Variants in HEPACAM2 observed in about 807,000 individuals in gnomAD.
HEPACAM2 encodes mitotic kinetics regulator.
HEPACAM2 carries 49 observed loss-of-function variants against 49.6 expected under a neutral mutation model. That is an observed-to-expected ratio of 0.99 (90% CI 0.78 to 1.25). The LOEUF (loss-of-function observed/expected upper bound fraction) is 1.25, where lower values mean the gene tolerates loss of function less well. HEPACAM2 is among the 50% of genes most tolerant of loss of function. HEPACAM2 has a pLI of 0.00. For missense variants in HEPACAM2, 525 were observed against 557.2 expected, an observed-to-expected ratio of 0.94 and a Z score of 0.58; for synonymous variants, 197 against 202.9, an observed-to-expected ratio of 0.97 and a Z score of 0.25.
chr7:93,224,415 A>G (rs553736716), intron 1 of HEPACAM2, among the ~76,000 whole-genome samples: 19 of 152,278 alleles, frequency 1.2e-4, no homozygotes, highest in South Asian at 1.2e-3. Context: ...ATAACAAACA[A>G]AAACTCTTAT....
intron 4 of HEPACAM2, among the ~76,000 whole-genome samples, chr7:93,208,356 T>C (rs1332595606): frequency 2.0e-5 from 3 of 152,080 alleles, no homozygotes; most frequent in African/African-American, 7.2e-5. Flanking sequence ...TTTTTCTTCA[T>C]AGCCCTTCAC....
At chr7:93,221,306 G>A (rs1316104406) in intron 1 of HEPACAM2, among the ~76,000 whole-genome samples, 1 of 151,976 alleles carries the variant, frequency 6.6e-6, no homozygotes, top group Non-Finnish European at 1.5e-5. Context: ...CTCTTTGATC[G>A]CTTCCACTTT....
Position 93,215,461 on chromosome 7 carries a change from A to G in HEPACAM2, c.655T>C (p.Cys219Arg). 6.2e-7 allele frequency: 1 copy of G among 1,613,890 alleles called. No individual in the cohort carries two copies. The highest frequency in any genetic ancestry group is 8.5e-7 in the Non-Finnish European group (1 of 1,179,844). Residue 219 changes from cysteine to arginine, a missense_variant, in exon 3 of 10, where the codon TGC becomes CGC. Coordinates refer to ENST00000394468, the MANE Select transcript of HEPACAM2 (RefSeq NM_001039372.4). The stretch of plus-strand genomic sequence containing the variant: ...TCACTGACAGGGTTCCTCACCAGGC[A>G]GCTGTAATTCCCAATGTCTTCCTTG... ...VTKEDIGNYSCLVRNPVSEME... is the reference protein window; with the variant it reads ...VTKEDIGNYSRLVRNPVSEME...
intron 1 of HEPACAM2, chr7:93,226,001 T>C (rs1438273586): frequency 2.4e-6 from 2 of 849,544 alleles, no homozygotes; most frequent in East Asian, 5.4e-5. Flanking sequence ...AGTTTCACTC[T>C]AAGTGGTCAC....
chr7:93,225,883 CT>C, intron 1 of HEPACAM2: 1 of 1,363,106 alleles, frequency 7.3e-7, no homozygotes, highest in Non-Finnish European at 9.8e-7. Context: ...GGAATCTTAC[CT>C]TTCTTCCATA....
chr7:93,205,104 A>G (rs554177382), intron 4 of HEPACAM2, among the ~76,000 whole-genome samples: 1 of 152,060 alleles, frequency 6.6e-6, no homozygotes, highest in Admixed American at 6.6e-5. Flanking sequence ...TCATCTCAAA[A>G]AAAAAAAAAA....
chr7:93,203,131 G>T (rs1196504836), intron 4 of HEPACAM2, among the ~76,000 whole-genome samples: 3 of 152,080 alleles, frequency 2.0e-5, no homozygotes, highest in African/African-American at 7.2e-5. Context: ...CACGGCTGTG[G>T]CAAAGGCCAA....
chr7:93,215,304 A>G, intron 3 of HEPACAM2, 97 bp downstream of exon 3: 2 of 1,166,200 alleles, frequency 1.7e-6, no homozygotes, highest in Non-Finnish European at 2.4e-6. Flanking sequence ...TAAAAAGCCA[A>G]ATGACATCTG....
chr7:93,225,735 A>C (rs1794526259), intron 1 of HEPACAM2: 2 of 388,586 alleles, frequency 5.1e-6, no homozygotes, highest in Non-Finnish European at 9.2e-6. Flanking sequence ...AAAGAGGAGA[A>C]TGAGGGAAAA....
intron 2 of HEPACAM2, among the ~76,000 whole-genome samples, chr7:93,217,053 G>A (rs1009831607): frequency 1.3e-5 from 2 of 152,168 alleles, no homozygotes; most frequent in African/African-American, 2.4e-5. Context: ...CAAGAAGGGT[G>A]TAATCAACTG....
intron 7 of HEPACAM2, 109 bp from the exon 8 acceptor site, chr7:93,196,010 C>T (rs1793708118): frequency 1.4e-6 from 1 of 732,752 alleles, no homozygotes; most frequent in Admixed American, 2.4e-5. Flanking sequence ...GGTATAGGTA[C>T]AAAATGAATT....
chr7:93,220,556 A>G (rs1794427798), intron 1 of HEPACAM2, among the ~76,000 whole-genome samples: 2 of 152,108 alleles, frequency 1.3e-5, no homozygotes, highest in South Asian at 4.1e-4. Context: ...CAGTTTTGGG[A>G]GCGTTCATTT....
intron 3 of HEPACAM2, among the ~76,000 whole-genome samples, chr7:93,211,217 TG>T (rs1306712150): frequency 6.6e-6 from 1 of 152,088 alleles, no homozygotes; most frequent in African/African-American, 2.4e-5. Flanking sequence ...TGGAGAAATG[TG>T]AAGGAACCAT....
chr7:93,232,214 G>C, the HEPACAM2 span: 5 of 462,278 alleles, frequency 1.1e-5, no homozygotes, highest in African/African-American at 1.0e-4. Flanking sequence ...AATATTTACC[G>C]GCTTAACTGA....
chr7:93,200,482 C>A (rs901523142), intron 4 of HEPACAM2, among the ~76,000 whole-genome samples: 2 of 151,976 alleles, frequency 1.3e-5, no homozygotes, highest in African/African-American at 4.8e-5. Context: ...ACATAAAGAT[C>A]CCAAACACTT....
rs141573896 is a variant in HEPACAM2 at position 93,208,658 on chromosome 7, C to T, written c.934G>A (p.Asp312Asn). Residue 312 changes from aspartate (D) to asparagine (N), a missense_variant, in exon 4 of 10, where the codon GAC becomes AAC. Physicochemically the swap from Asp to Asn is conservative, Grantham distance 23. Transcript: ENST00000394468. The part of the protein sequence containing the change: ...ASEKVAQKTM[D>N]YVCCAYNNIT... ...TTGTTGTAAGCACAGCACACATAGT[C>T]CATTGTCTTCTGGGCTACTTTCTCA... The T allele has an allele frequency of 6.2e-7, 1 of 1,613,150 alleles. No individual in the cohort carries two copies. Among genetic ancestry groups the T allele is most frequent in the Non-Finnish European group, 8.5e-7 (1 of 1,179,416 alleles).
intron 1 of HEPACAM2, chr7:93,225,912 G>T: frequency 7.0e-7 from 1 of 1,434,884 alleles, no homozygotes; most frequent in Non-Finnish European, 9.3e-7. Context: ...AGATGAGACA[G>T]ATAACTTAAA....
rs765121250 is a variant in HEPACAM2, at chr7:93,215,386, A to C, written c.715+15T>G. On this transcript the variant is annotated intron_variant, in intron 3 of 9. Coordinates refer to ENST00000394468, the MANE Select transcript of HEPACAM2 (RefSeq NM_001039372.4). ...AACAAAAAACAACTCATGAGTTAAAAAAAAATAAACTTACAATATATGATG... is the reference window on the plus strand; with the variant it reads ...AACAAAAAACAACTCATGAGTTAAACAAAAATAAACTTACAATATATGATG... 5.6e-6 allele frequency: 9 copies of C among 1,604,632 alleles called. No individual in the cohort carries two copies. Among genetic ancestry groups the C allele is most frequent in the Admixed American group, 5.1e-5 (3 of 59,190 alleles).
At chr7:93,222,502 C>T (rs1320788907) in intron 1 of HEPACAM2, among the ~76,000 whole-genome samples, 1 of 152,020 alleles carries the variant, frequency 6.6e-6, no homozygotes, top group Non-Finnish European at 1.5e-5. Flanking sequence ...TTAAATTTAT[C>T]ACTTGCAAAT....
Sources: gnomAD v4.1 joint callset for allele counts (sites outside exome capture counted in the v4.1 genomes callset) on GRCh38, gnomAD v4.1.1 for gene constraint, MANE v1.5 for transcripts, NCBI Gene and HGNC (gene_info 2026-07-23, HGNC 2026-07-21) for gene names.